UTRN: variants seen among roughly 807,000 people sequenced by gnomAD.
The protein encoded by UTRN is dystrophin-related protein 1.
In UTRN, 283 loss-of-function variants were observed where a neutral mutation model predicts 463.9. The ratio of observed to expected loss-of-function variants is 0.61; its 90% CI spans 0.55 to 0.67. The LOEUF (loss-of-function observed/expected upper bound fraction) is 0.67, where lower values mean the gene tolerates loss of function less well. Among genes scored for constraint, UTRN ranks in the 30% least tolerant of loss-of-function variants. The pLI, the probability that UTRN is intolerant of heterozygous loss-of-function variation, is 0.00. For synonymous variants in UTRN, 1,442 were observed against 1,431.5 expected, an observed-to-expected ratio of 1.01 and a Z score of -0.17; for missense variants, 3,922 against 4,084.3, an observed-to-expected ratio of 0.96 and a Z score of 1.08.
At chr6:144,321,038 C>G (rs1278342691) in intron 2 of UTRN, among the ~76,000 whole-genome samples, 1 of 152,218 alleles carries the variant, frequency 6.6e-6, no homozygotes, top group South Asian at 2.1e-4. Context: ...TCAAGCATCT[C>G]TAGCTCATCA....
intron 2 of UTRN, among the ~76,000 whole-genome samples, chr6:144,370,949 C>T (rs544520122): frequency 6.6e-6 from 1 of 152,308 alleles, no homozygotes; most frequent in East Asian, 1.9e-4. Context: ...TGGGATGTTT[C>T]TGTCCTCCCT....
chr6:144,365,965 T>C (rs188521905), intron 2 of UTRN, among the ~76,000 whole-genome samples: 3 of 152,366 alleles, frequency 2.0e-5, no homozygotes, highest in African/African-American at 4.8e-5. Context: ...CTTGAACTCC[T>C]GACCTCAGGT....
chr6:144,676,948 A>G (rs186900018), intron 51 of UTRN, among the ~76,000 whole-genome samples: 96 of 152,188 alleles, frequency 6.3e-4, no homozygotes, highest in Non-Finnish European at 1.1e-3. Flanking sequence ...TCTGTTGGAT[A>G]TTAGGCAAAG....
intron 61 of UTRN, 103 bp from the exon 62 acceptor site, chr6:144,789,091 A>C (rs958659926): frequency 1.1e-6 from 1 of 905,682 alleles, no homozygotes; most frequent in South Asian, 1.7e-5. Flanking sequence ...AGATACAATT[A>C]TTTTTGATGG....
chr6:144,721,140 G>A (rs1041979446), intron 53 of UTRN, among the ~76,000 whole-genome samples: 1 of 152,014 alleles, frequency 6.6e-6, no homozygotes, highest in African/African-American at 2.4e-5. Flanking sequence ...GAGGTATTTG[G>A]GATTATATCT....
At chr6:144,557,419 T>A in intron 50 of UTRN, 108 bp downstream of exon 50, 1 of 1,120,604 alleles carries the variant, frequency 8.9e-7, no homozygotes, top group Non-Finnish European at 1.2e-6. Context: ...CAAGTACATT[T>A]TATTATTATG....
chr6:144,608,033 A>G (rs1223294014), intron 51 of UTRN, among the ~76,000 whole-genome samples: 4 of 152,128 alleles, frequency 2.6e-5, no homozygotes, highest in Non-Finnish European at 5.9e-5. Context: ...GTGATTGTTA[A>G]TTTTGTGTGT....
intron 73 of UTRN, among the ~76,000 whole-genome samples, chr6:144,842,110 C>CAAAAA (rs35954430): frequency 5.8e-4 from 36 of 62,052 alleles, no homozygotes; most frequent in East Asian, 3.0e-3. Flanking sequence ...ACTTCCTCTC[C>CAAAAA]AAAAAAAAAA....
intron 50 of UTRN, 128 bp downstream of exon 50, chr6:144,557,439 A>G (rs1296610633): frequency 3.1e-6 from 2 of 647,106 alleles, no homozygotes; most frequent in African/African-American, 4.8e-5. Context: ...GTATTTTTAT[A>G]CTGTGATGTT....
intron 69 of UTRN, among the ~76,000 whole-genome samples, chr6:144,831,963 GT>G (rs892018928): frequency 1.3e-5 from 2 of 151,926 alleles, no homozygotes. Context: ...ATGAATCACA[GT>G]TTTTTTGTCA....
intron 1 of UTRN, among the ~76,000 whole-genome samples, chr6:144,289,384 G>C (rs1804009321): frequency 6.6e-6 from 1 of 151,980 alleles, no homozygotes; most frequent in Non-Finnish European, 1.5e-5. Flanking sequence ...ATCTACTCTT[G>C]TTTAGACCAC....
intron 43 of UTRN, among the ~76,000 whole-genome samples, chr6:144,536,925 A>G (rs920111933): frequency 6.6e-6 from 1 of 151,912 alleles, no homozygotes; most frequent in African/African-American, 2.4e-5. Context: ...TATTCATTTG[A>G]CTGTTTTCCT....
rs753116661 is a variant in UTRN at position 144,493,438 on chromosome 6, C to T, written c.4575C>T (p.Tyr1525=). 2 of 1,613,962 alleles carry T rather than the reference C, an allele frequency of 1.2e-6. No homozygotes were observed. Among genetic ancestry groups the T allele is most frequent in the Non-Finnish European group, 1.7e-6 (2 of 1,179,882 alleles). Residue 1525 remains tyrosine (Y), a synonymous_variant, in exon 33 of 75, where the codon TAC becomes TAT. Coordinates refer to ENST00000367545, the MANE Select transcript of UTRN (RefSeq NM_007124.3). ...AGCTGACTTCCCTGAAGGTTCTTTA[C>T]AATGACCTGGGCGCACAGGTGAGGA... ...DEQLTSLKVL[Y]NDLGAQVTEG...
intron 52 of UTRN, among the ~76,000 whole-genome samples, chr6:144,684,881 T>C (rs4896736): frequency 0.4 from 61,025 of 152,042 alleles, 13,830 homozygotes; most frequent in East Asian, 0.88. Flanking sequence ...AGTTTTACAA[T>C]TTCAGTAGCT....
chr6:144,559,671 C>T (rs566011959), intron 50 of UTRN, among the ~76,000 whole-genome samples: 3 of 152,194 alleles, frequency 2.0e-5, no homozygotes, highest in East Asian at 1.9e-4. Context: ...CCTTTCTTTA[C>T]ATTATCGCTT....
chr6:144,559,606 G>A (rs1799681670), intron 50 of UTRN, among the ~76,000 whole-genome samples: 1 of 152,066 alleles, frequency 6.6e-6, no homozygotes, highest in Admixed American at 6.6e-5. Context: ...ATAGAATTAA[G>A]GAACTTTAAT....
At chr6:144,745,502 C>T (rs753089770) in intron 54 of UTRN, among the ~76,000 whole-genome samples, 1 of 152,110 alleles carries the variant, frequency 6.6e-6, no homozygotes, top group Non-Finnish European at 1.5e-5. Context: ...AAAAGTGATT[C>T]GTTGATATGT....
At chr6:144,436,175 C>T in intron 10 of UTRN, 37 bp downstream of exon 10, 2 of 1,585,306 alleles carry the variant, frequency 1.3e-6, no homozygotes, top group Admixed American at 1.7e-5. Context: ...GTGTGTCCCC[C>T]ACGGGACCTG....
At chr6:144,780,396 GA>G (rs1418147988) in intron 60 of UTRN, among the ~76,000 whole-genome samples, 5 of 151,820 alleles carry the variant, frequency 3.3e-5, no homozygotes, top group Non-Finnish European at 7.4e-5. Flanking sequence ...GAAAAAATAA[GA>G]TTAGAGTTCT....
Sources: gnomAD v4.1 joint callset for allele counts (sites outside exome capture counted in the v4.1 genomes callset) on GRCh38, gnomAD v4.1.1 for gene constraint, MANE v1.5 for transcripts, NCBI Gene and HGNC (gene_info 2026-07-23, HGNC 2026-07-21) for gene names.